The following SPRED2 variants were observed in gnomAD, a reference collection of about 807,000 sequenced individuals.
The protein encoded by SPRED2 is sprouty-related, EVH1 domain-containing protein 2.
A neutral mutation model predicts 43.0 loss-of-function variants in SPRED2; 47 were observed. The ratio of observed to expected loss-of-function variants is 1.09; its 90% CI spans 0.87 to 1.40. The LOEUF (loss-of-function observed/expected upper bound fraction) is 1.40. SPRED2 is among the 40% of genes most tolerant of loss of function. SPRED2 has a pLI of 0.00. For missense variants in SPRED2, 561 were observed against 586.4 expected (o/e 0.96, Z 0.45); for synonymous variants, 225 against 225.7 (o/e 1.00, Z 0.03).
intron 1 of SPRED2, among the ~76,000 whole-genome samples, chr2:65,422,102 ACACTCTCT>A (rs1316444440): frequency 3.0e-4 from 31 of 104,212 alleles, no homozygotes; most frequent in East Asian, 1.8e-3. Flanking sequence ...ACACACACAC[ACACTCTCT>A]CTCTCTCTCT....
At chr2:65,402,311 A>G in intron 1 of SPRED2, among the ~76,000 whole-genome samples, 1 of 151,602 alleles carries the variant, frequency 6.6e-6, no homozygotes, top group Non-Finnish European at 1.5e-5. Context: ...AAAAACCAAA[A>G]ACAAAATAAT....
At chr2:65,427,140 C>G (rs1328728176) in intron 1 of SPRED2, among the ~76,000 whole-genome samples, 1 of 152,138 alleles carries the variant, frequency 6.6e-6, no homozygotes. Context: ...GGTACGATCA[C>G]AGCTCATTGC....
At chr2:65,385,487 T>A (rs1675473648) in intron 1 of SPRED2, among the ~76,000 whole-genome samples, 1 of 152,162 alleles carries the variant, frequency 6.6e-6, no homozygotes, top group Non-Finnish European at 1.5e-5. Flanking sequence ...TCTTTGGCAG[T>A]TGCTTCACAG....
At chr2:65,326,524 C>A (rs1673623823) in intron 4 of SPRED2, among the ~76,000 whole-genome samples, 1 of 152,216 alleles carries the variant, frequency 6.6e-6, no homozygotes, top group Non-Finnish European at 1.5e-5. Flanking sequence ...ACAATCCCAG[C>A]TAGCAGGCAG....
intron 2 of SPRED2, among the ~76,000 whole-genome samples, chr2:65,341,017 TTATCA>T (rs1201699068): frequency 6.7e-6 from 1 of 149,314 alleles, no homozygotes; most frequent in African/African-American, 2.5e-5. Flanking sequence ...AAAGGAAGAG[TTATCA>T]TATCTCTAAG....
At chr2:65,356,291 A>T (rs953147574) in intron 1 of SPRED2, among the ~76,000 whole-genome samples, 1 of 152,178 alleles carries the variant, frequency 6.6e-6, no homozygotes, top group African/African-American at 2.4e-5. Flanking sequence ...TGTATGATAA[A>T]ACAATAATAG....
intron 1 of SPRED2, among the ~76,000 whole-genome samples, chr2:65,420,209 C>CAA (rs61448407): frequency 2.3e-3 from 179 of 79,338 alleles, no homozygotes; most frequent in Middle Eastern, 8.3e-3. Context: ...GACTCTGTCT[C>CAA]AAAAAAAAAA....
intron 1 of SPRED2, among the ~76,000 whole-genome samples, chr2:65,347,988 A>C (rs11895173): frequency 6.6e-6 from 1 of 152,052 alleles, no homozygotes; most frequent in African/African-American, 2.4e-5. Context: ...CAGAAAATAG[A>C]AAGGTAAGTC....
chr2:65,418,867 T>C (rs1401387170), intron 1 of SPRED2, among the ~76,000 whole-genome samples: 1 of 128,876 alleles, frequency 7.8e-6, no homozygotes, highest in Non-Finnish European at 1.8e-5. Context: ...TAATTTCTTA[T>C]CATTTTTTTT....
chr2:65,327,891 T>C (rs1023901130), intron 4 of SPRED2, among the ~76,000 whole-genome samples: 1 of 151,680 alleles, frequency 6.6e-6, no homozygotes, highest in Non-Finnish European at 1.5e-5. Context: ...GCCTGGCTAA[T>C]TTTTGTATTT....
In SPRED2 at chr2:65,432,174, T is replaced by G; in HGVS notation, c.-187A>C. 2 of 680,314 alleles carry G rather than the reference T, an allele frequency of 2.9e-6. No individual in the cohort carries two copies. The highest frequency in any genetic ancestry group is 3.3e-4 in the Middle Eastern group (1 of 2,998). The allele number at this position is 680,314 out of a possible 1,614,324, so 42.1% of individuals were successfully genotyped here. On this transcript the variant is annotated 5_prime_UTR_variant, in exon 1 of 6. Transcript: ENST00000356388. Reference sequence around the variant, plus strand: ...GCGGGATAGGGTTTGGGGGAAGGGGTGCAAAGGCAGGCTGCGCGGGGAGTG... The same window carrying G: ...GCGGGATAGGGTTTGGGGGAAGGGGGGCAAAGGCAGGCTGCGCGGGGAGTG...
chr2:65,354,376 T>C (rs1213158526), intron 1 of SPRED2, among the ~76,000 whole-genome samples: 1 of 152,232 alleles, frequency 6.6e-6, no homozygotes, highest in South Asian at 2.1e-4. Context: ...AATGCTGGTT[T>C]TCTGGTTTCC....
Position 65,312,267 on chromosome 2 carries a change from G to C in SPRED2, c.*1234C>G. 1.0e-6 allele frequency: 1 copy of C among 985,572 alleles called. No homozygotes were observed. Among genetic ancestry groups the C allele is most frequent in the Admixed American group, 6.1e-5 (1 of 16,272 alleles). The allele number at this position is 985,572 out of a possible 1,614,324, so 61.1% of individuals were successfully genotyped here. A position where few individuals can be genotyped will look rare whatever the true frequency, so the allele number is the denominator to read the frequency against. On this transcript the variant is annotated 3_prime_UTR_variant, in exon 6 of 6. Coordinates refer to ENST00000356388, the MANE Select transcript of SPRED2 (RefSeq NM_181784.3). ...GGAGTTGCAGGAGAAAGACACTTAGGCATTGGAAGGGTTTTTACATATGGC... is the reference window on the plus strand; with the variant it reads ...GGAGTTGCAGGAGAAAGACACTTAGCCATTGGAAGGGTTTTTACATATGGC...
chr2:65,382,142 C>A (rs1402478144), intron 1 of SPRED2, among the ~76,000 whole-genome samples: 1 of 152,076 alleles, frequency 6.6e-6, no homozygotes, highest in Non-Finnish European at 1.5e-5. Context: ...ACTGGAGCAG[C>A]CTGACCTGTG....
chr2:65,351,586 C>T (rs1056026450), intron 1 of SPRED2, among the ~76,000 whole-genome samples: 1 of 152,232 alleles, frequency 6.6e-6, no homozygotes, highest in African/African-American at 2.4e-5. Context: ...GAGCCAGGCA[C>T]ACTCACTTTA....
chr2:65,354,018 G>T (rs1444847657), intron 1 of SPRED2, among the ~76,000 whole-genome samples: 1 of 151,928 alleles, frequency 6.6e-6, no homozygotes, highest in Non-Finnish European at 1.5e-5. Context: ...GACCCACAAG[G>T]GCCAAAAAAA....
At chr2:65,350,240 G>A (rs559049089) in intron 1 of SPRED2, among the ~76,000 whole-genome samples, 45 of 152,304 alleles carry the variant, frequency 3.0e-4, no homozygotes, top group African/African-American at 9.6e-4. Flanking sequence ...GGAAGGGCAA[G>A]GGCAGATTAG....
chr2:65,365,818 A>T (rs577041497), intron 1 of SPRED2, among the ~76,000 whole-genome samples: 1 of 152,344 alleles, frequency 6.6e-6, no homozygotes, highest in East Asian at 1.9e-4. Context: ...TAAATAAGAT[A>T]TGTGCTTTAA....
At chr2:65,416,354 T>C (rs1276566365) in intron 1 of SPRED2, among the ~76,000 whole-genome samples, 3 of 152,170 alleles carry the variant, frequency 2.0e-5, no homozygotes, top group Non-Finnish European at 2.9e-5. Context: ...TCAGGCTGCA[T>C]GCCAACCAAC....
Sources: allele counts gnomAD v4.1 joint callset (sites outside exome capture counted in the v4.1 genomes callset), GRCh38; gene constraint gnomAD v4.1.1; transcripts MANE v1.5; gene names NCBI Gene and HGNC (gene_info 2026-07-23, HGNC 2026-07-21).